Variants in ZMYND8 observed in about 807,000 individuals in gnomAD.
ZMYND8 encodes zinc finger MYND-type containing 8, also known as MYND-type zinc finger-containing chromatin reader ZMYND8.
Under a neutral mutation model 140.8 loss-of-function variants are expected in ZMYND8, and 37 were observed. That is an observed-to-expected ratio of 0.26 (90% CI 0.20 to 0.35). The LOEUF is 0.35. ZMYND8 is among the 10% of genes least tolerant of loss of function. The pLI is 1.00. For missense variants in ZMYND8, 1,068 were observed against 1,570.0 expected (o/e 0.68, Z 5.40); for synonymous variants, 592 against 597.1 (o/e 0.99, Z 0.12).
chr20:47,254,040 C>G (rs983592667), intron 12 of ZMYND8, among the ~76,000 whole-genome samples: 8 of 152,184 alleles, frequency 5.3e-5, no homozygotes, highest in Non-Finnish European at 7.3e-5. Flanking sequence ...GCATTTGACT[C>G]CCCCCTCCTC....
At chr20:47,220,145 T>A in intron 21 of ZMYND8, 113 bp downstream of exon 21, 698 of 632,144 alleles carry the variant, frequency 1.1e-3, no homozygotes, top group East Asian at 2.5e-3. Flanking sequence ...TAAGGATCCA[T>A]AATCGTTTGG....
At chr20:47,231,695 C>T (rs1283754621) in intron 16 of ZMYND8, among the ~76,000 whole-genome samples, 1 of 152,258 alleles carries the variant, frequency 6.6e-6, no homozygotes, top group Non-Finnish European at 1.5e-5. Context: ...AGGCCGTTGC[C>T]AGCAAAAACA....
Position 47,253,685 on chromosome 20 carries a change from G to A in ZMYND8, c.1622-4246C>T, listed in dbSNP as rs181664282. On this transcript the variant is annotated intron_variant, in intron 12 of 22. Coordinates refer to ENST00000471951, the MANE Select transcript of ZMYND8 (RefSeq NM_001281775.3). ...CTTAACTCCTGTGTGTGTGTTAACAGGACAACCTTTCTAAACCTTAGGGTC... is the reference window on the plus strand; with the variant it reads ...CTTAACTCCTGTGTGTGTGTTAACAAGACAACCTTTCTAAACCTTAGGGTC... Among the ~76,000 whole-genome samples the A allele has an allele frequency of 3.3e-5, 5 of 152,298 alleles. No individual in the cohort carries two copies. The East Asian group carries it at 9.6e-4, about 29-fold the overall frequency.
intron 16 of ZMYND8, among the ~76,000 whole-genome samples, chr20:47,234,141 C>T (rs561467018): frequency 1.3e-5 from 2 of 152,316 alleles, no homozygotes; most frequent in East Asian, 3.9e-4. Context: ...CTCCACCTCC[C>T]AGGTTCAAGC....
chr20:47,270,023 C>T (rs1466426221), intron 11 of ZMYND8, among the ~76,000 whole-genome samples: 2 of 152,160 alleles, frequency 1.3e-5, no homozygotes, highest in African/African-American at 4.8e-5. Context: ...GCAGGCAGAT[C>T]GTTTGAGCCC....
intron 2 of ZMYND8, among the ~76,000 whole-genome samples, chr20:47,321,071 G>A (rs2079907171): frequency 6.6e-6 from 1 of 152,320 alleles, no homozygotes; most frequent in Non-Finnish European, 1.5e-5. Flanking sequence ...CCCAGTAAAC[G>A]CTGGACTCCT....
rs1428729673 is a variant in ZMYND8, at chr20:47,252,865, G to C, written c.1622-3426C>G. Among the ~76,000 whole-genome samples, 4 of 152,300 alleles carry C rather than the reference G, an allele frequency of 2.6e-5. No individual in the cohort carries two copies. In the East Asian group the frequency reaches 7.7e-4, roughly 29 times the overall value. ...GCCCAGGAGGCAGAGGTTGCAGTGA[G>C]CCGAGATCAGGCCACTGCACTCCAG... On this transcript the variant is annotated intron_variant, in intron 12 of 22. Transcript: ENST00000471951.
chr20:47,301,991 G>A lies in ZMYND8; in HGVS notation c.235-3044C>T, dbSNP rs554574022. ...TCCTCTTTGCTCTGCACTTCTCCTC[G>A]AAGCAGCCATGTGAAGGACGTGTTT... On this transcript the variant is annotated intron_variant, in intron 3 of 22. Transcript: ENST00000471951. 5.8e-4 allele frequency among the ~76,000 whole-genome samples: 52 copies of A among 90,320 alleles called. No individual in the cohort carries two copies. In the South Asian group the frequency reaches 0.015, roughly 26 times the overall value. The allele number at this position is 90,320 out of a possible 152,430, so 59.3% of individuals were successfully genotyped here.
intron 11 of ZMYND8, among the ~76,000 whole-genome samples, chr20:47,267,684 C>G (rs986025199): frequency 2.0e-5 from 3 of 152,324 alleles, no homozygotes; most frequent in African/African-American, 7.2e-5. Context: ...TAAAAACATC[C>G]AGAGGCACCT....
At chr20:47,213,198 G>A (rs1377268423) in intron 21 of ZMYND8, among the ~76,000 whole-genome samples, 40 of 152,118 alleles carry the variant, frequency 2.6e-4, no homozygotes, top group Admixed American at 2.6e-3. Context: ...TGATGAGGAG[G>A]ACTAAGGAAG....
At chr20:47,287,027 A>T (rs1417981907) in intron 8 of ZMYND8, among the ~76,000 whole-genome samples, 1 of 152,152 alleles carries the variant, frequency 6.6e-6, no homozygotes, top group Non-Finnish European at 1.5e-5. Context: ...TCTCCCTTAG[A>T]TCATTGCTAC....
chr20:47,247,629 A>G (rs1291736563), intron 13 of ZMYND8, among the ~76,000 whole-genome samples: 1 of 152,236 alleles, frequency 6.6e-6, no homozygotes, highest in East Asian at 1.9e-4. Context: ...TAGAAAGAGG[A>G]AAGAAAACCC....
At chr20:47,233,955 C>T (rs2038884211) in intron 16 of ZMYND8, among the ~76,000 whole-genome samples, 1 of 152,224 alleles carries the variant, frequency 6.6e-6, no homozygotes, top group Non-Finnish European at 1.5e-5. Context: ...GACCTAGCAA[C>T]TTGCTTCTAC....
chr20:47,251,628 A>G (rs1038607419), intron 12 of ZMYND8, among the ~76,000 whole-genome samples: 1 of 152,140 alleles, frequency 6.6e-6, no homozygotes, highest in African/African-American at 2.4e-5. Context: ...AAAACTCTTT[A>G]TACCCGTCTC....
At chr20:47,245,198 G>A (rs1232230196) in intron 14 of ZMYND8, among the ~76,000 whole-genome samples, 1 of 152,176 alleles carries the variant, frequency 6.6e-6, no homozygotes, top group Admixed American at 6.5e-5. Context: ...ATGCCTAGGT[G>A]GCATGAGGGG....
chr20:47,341,358 C>G (rs756444072), intron 2 of ZMYND8, among the ~76,000 whole-genome samples: 13 of 151,294 alleles, frequency 8.6e-5, no homozygotes, highest in Non-Finnish European at 1.6e-4. Flanking sequence ...AAAACCCCAT[C>G]TCTACTAAAA....
chr20:47,227,829 G>A (rs757252221), intron 17 of ZMYND8, among the ~76,000 whole-genome samples: 19 of 152,232 alleles, frequency 1.2e-4, no homozygotes, highest in Non-Finnish European at 2.5e-4. Context: ...GCGGTGGCTC[G>A]CGCCTGTAAT....
intron 2 of ZMYND8, among the ~76,000 whole-genome samples, 185 bp downstream of exon 2, chr20:47,347,671 A>C (rs1437688782): frequency 6.6e-6 from 1 of 152,244 alleles, no homozygotes; most frequent in East Asian, 1.9e-4. Flanking sequence ...CCAGGGAAAG[A>C]AAACCAAAAG....
intron 12 of ZMYND8, among the ~76,000 whole-genome samples, chr20:47,257,335 A>C (rs1420480670): frequency 6.6e-6 from 1 of 152,062 alleles, no homozygotes; most frequent in Middle Eastern, 3.2e-3. Flanking sequence ...ACAAATACAC[A>C]TACACTCACC....
Sources: gnomAD v4.1 joint callset for allele counts (sites outside exome capture counted in the v4.1 genomes callset) on GRCh38, gnomAD v4.1.1 for gene constraint, MANE v1.5 for transcripts, NCBI Gene and HGNC (gene_info 2026-07-23, HGNC 2026-07-21) for gene names.